The following SCFD1 variants were observed in gnomAD, a reference collection of about 807,000 sequenced individuals.
The protein encoded by SCFD1 is sec1 family domain containing 1, also known as sec1 family domain-containing protein 1.
A neutral mutation model predicts 103.2 loss-of-function variants in SCFD1; 37 were observed. That is an observed-to-expected ratio of 0.36 (90% CI 0.28 to 0.47). SCFD1 has a LOEUF of 0.47. Among genes scored for constraint, SCFD1 ranks in the 20% least tolerant of loss-of-function variants. The probability of loss-of-function intolerance (pLI) is 1.00; values close to 1 mark genes in which losing one functional copy is unlikely to be tolerated. For missense variants in SCFD1, 639 were observed against 761.2 expected (o/e 0.84, Z 1.89); for synonymous variants, 264 against 245.0 (o/e 1.08, Z -0.73).
In SCFD1 at chr14:30,622,418, C is replaced by T. The variant is rs1052003066; in HGVS notation, c.61+19C>T. On this transcript the variant is annotated intron_variant, in intron 1 of 24. Coordinates refer to ENST00000458591, the MANE Select transcript of SCFD1 (RefSeq NM_016106.4). ...CAGACAGGTACTGACTTATTCTCTTCTCCTTGAAGCTTCGTGACTGCCCCG... is the reference window on the plus strand; with the variant it reads ...CAGACAGGTACTGACTTATTCTCTTTTCCTTGAAGCTTCGTGACTGCCCCG... 6.4e-7 allele frequency: 1 copy of T among 1,550,596 alleles called. No homozygotes were observed. Among genetic ancestry groups the T allele is most frequent in the Admixed American group, 2.0e-5 (1 of 50,978 alleles).
At chr14:30,652,355 G>A (rs192646302) in intron 9 of SCFD1, 1 of 152,184 alleles carries the variant, frequency 6.6e-6, no homozygotes, top group East Asian at 1.9e-4. Flanking sequence ...TTGTAATAAT[G>A]GAGCAACAGT....
chr14:30,660,196 AT>A (rs1341011525), intron 10 of SCFD1, among the ~76,000 whole-genome samples: 2 of 152,068 alleles, frequency 1.3e-5, no homozygotes, highest in African/African-American at 4.8e-5. Flanking sequence ...CTTCTTTTTA[AT>A]TGCCATTTTT....
chr14:30,728,548 T>C (rs949344025), intron 23 of SCFD1, among the ~76,000 whole-genome samples: 1 of 152,200 alleles, frequency 6.6e-6, no homozygotes, highest in African/African-American at 2.4e-5. Flanking sequence ...GCCACCATAA[T>C]TCTGTGTGAA....
At chr14:30,707,259 A>G (rs1432231097) in intron 18 of SCFD1, among the ~76,000 whole-genome samples, 2 of 152,232 alleles carry the variant, frequency 1.3e-5, no homozygotes, top group East Asian at 3.8e-4. Flanking sequence ...TGAGATTTTA[A>G]TGCAGGATTA....
Position 30,670,401 on chromosome 14 carries a change from C to T in SCFD1, c.995+6C>T. The T allele has an allele frequency of 2.0e-6, 3 of 1,504,804 alleles. No individual in the cohort carries two copies. Among genetic ancestry groups the T allele is most frequent in the South Asian group, 2.6e-5 (2 of 77,522 alleles). 93.2% of individuals were successfully genotyped at this position (1,504,804 alleles called of 1,614,324 possible). A position where few individuals can be genotyped will look rare whatever the true frequency, so the allele number is the denominator to read the frequency against. ...TGGCAAAAACATAAAGGAAGGTAAGCAAAATATCAATAAGTAAAAGATTCA... is the reference window on the plus strand; with the variant it reads ...TGGCAAAAACATAAAGGAAGGTAAGTAAAATATCAATAAGTAAAAGATTCA... On this transcript the variant is annotated splice_donor_region_variant and intron_variant, in intron 11 of 24. Coordinates refer to ENST00000458591, the MANE Select transcript of SCFD1 (RefSeq NM_016106.4).
chr14:30,667,524 T>C (rs1473072592), intron 10 of SCFD1, among the ~76,000 whole-genome samples: 2 of 152,000 alleles, frequency 1.3e-5, no homozygotes, highest in Non-Finnish European at 1.5e-5. Flanking sequence ...CTCACCACTC[T>C]TATTCAACAT....
chr14:30,694,892 T>C (rs376148525), intron 15 of SCFD1, 23 bp downstream of exon 15: 1 of 1,572,860 alleles, frequency 6.4e-7, no homozygotes, highest in African/African-American at 1.4e-5. Context: ...AATTTGAGGT[T>C]AATGTAAGTT....
At chr14:30,683,186 G>C in intron 14 of SCFD1, 1 of 1,097,604 alleles carries the variant, frequency 9.1e-7, no homozygotes, top group Non-Finnish European at 1.3e-6. Flanking sequence ...TGGAGATGGA[G>C]AGTGTTCTGG....
At chr14:30,711,080 G>A (rs1479780954) in intron 19 of SCFD1, among the ~76,000 whole-genome samples, 3 of 152,166 alleles carry the variant, frequency 2.0e-5, no homozygotes, top group Non-Finnish European at 2.9e-5. Flanking sequence ...ATCTATTTGT[G>A]TGAGGATAAT....
At chr14:30,727,594 TCTCTTGCTCCCAGG>T (rs1893137063) in intron 23 of SCFD1, among the ~76,000 whole-genome samples, 3 of 152,238 alleles carry the variant, frequency 2.0e-5, no homozygotes, top group African/African-American at 7.2e-5. Flanking sequence ...CTAAGAGCAT[TCTCTTGCTCCCAGG>T]CTCTTACGAG....
chr14:30,627,553 C>G (rs1298573212), intron 1 of SCFD1, among the ~76,000 whole-genome samples: 1 of 151,942 alleles, frequency 6.6e-6, no homozygotes, highest in African/African-American at 2.4e-5. Context: ...TCTAGACCAG[C>G]CTGACCAACA....
At chr14:30,680,667 A>G (rs1000941364) in intron 14 of SCFD1, among the ~76,000 whole-genome samples, 1 of 152,160 alleles carries the variant, frequency 6.6e-6, no homozygotes, top group Non-Finnish European at 1.5e-5. Flanking sequence ...GGTGGCATGC[A>G]CCTGTAATCC....
intron 18 of SCFD1, among the ~76,000 whole-genome samples, chr14:30,707,114 T>C (rs1000258388): frequency 6.6e-6 from 1 of 152,232 alleles, no homozygotes; most frequent in Non-Finnish European, 1.5e-5. Flanking sequence ...TTTAATAAAA[T>C]AGACTTTTCA....
intron 20 of SCFD1, among the ~76,000 whole-genome samples, chr14:30,717,598 G>C (rs1892365650): frequency 6.6e-6 from 1 of 152,122 alleles, no homozygotes; most frequent in Non-Finnish European, 1.5e-5. Context: ...TCATGTTCCA[G>C]AAATCATTCA....
At chr14:30,656,659 G>A (rs917360398) in intron 10 of SCFD1, among the ~76,000 whole-genome samples, 2 of 152,036 alleles carry the variant, frequency 1.3e-5, no homozygotes, top group Non-Finnish European at 2.9e-5. Flanking sequence ...AGGAAAGAGG[G>A]CAAGTAAAGA....
chr14:30,723,660 G>C (rs922508046), intron 23 of SCFD1, among the ~76,000 whole-genome samples: 1 of 152,128 alleles, frequency 6.6e-6, no homozygotes, highest in Non-Finnish European at 1.5e-5. Flanking sequence ...TTGGTTTTCT[G>C]TTCCTGAGTT....
intron 23 of SCFD1, among the ~76,000 whole-genome samples, chr14:30,730,867 T>A (rs1422514080): frequency 2.6e-5 from 4 of 152,184 alleles, no homozygotes; most frequent in Non-Finnish European, 5.9e-5. Flanking sequence ...AGATCCCATT[T>A]GTCAATTTTG....
At chr14:30,714,168 A>G (rs924265845) in intron 19 of SCFD1, among the ~76,000 whole-genome samples, 1 of 149,540 alleles carries the variant, frequency 6.7e-6, no homozygotes, top group Non-Finnish European at 1.5e-5. Flanking sequence ...TAACAAGGTG[A>G]AACCCCGTCT....
chr14:30,639,911 G>A lies in SCFD1; in HGVS notation c.523+47G>A, dbSNP rs773910118. 7 of 1,526,872 alleles carry A rather than the reference G, an allele frequency of 4.6e-6. No individual in the cohort carries two copies. In the Admixed American group the frequency reaches 8.6e-5, roughly 19 times the overall value. 94.6% of individuals were successfully genotyped at this position (1,526,872 alleles called of 1,614,324 possible). ...GCAATTCTTTGTTAACAAAATGAAT[G>A]GTATACTGTAAGAAAAAAAGTGAAT... On this transcript the variant is annotated intron_variant, in intron 6 of 24. Coordinates refer to ENST00000458591, the MANE Select transcript of SCFD1 (RefSeq NM_016106.4).
Sources: gnomAD v4.1 joint callset for allele counts (sites outside exome capture counted in the v4.1 genomes callset) on GRCh38, gnomAD v4.1.1 for gene constraint, MANE v1.5 for transcripts, NCBI Gene and HGNC (gene_info 2026-07-23, HGNC 2026-07-21) for gene names.